GRIN2A: variants seen among roughly 807,000 people sequenced by gnomAD.
The protein encoded by GRIN2A is glutamate ionotropic receptor NMDA type subunit 2A.
Under a neutral mutation model 113.4 loss-of-function variants are expected in GRIN2A, and 22 were observed. That is an observed-to-expected ratio of 0.19 (90% CI 0.14 to 0.28). The LOEUF is 0.28. GRIN2A is among the 10% of genes least tolerant of loss of function. The probability of loss-of-function intolerance (pLI) is 1.00; values close to 1 mark genes in which losing one functional copy is unlikely to be tolerated. For synonymous variants in GRIN2A, 827 were observed against 738.4 expected, an observed-to-expected ratio of 1.12 and a Z score of -1.94; for missense variants, 1,502 against 1,887.0, an observed-to-expected ratio of 0.80 and a Z score of 3.78.
intron 3 of GRIN2A, among the ~76,000 whole-genome samples, chr16:9,922,775 A>G (rs1352898328): frequency 1.4e-5 from 2 of 147,836 alleles, no homozygotes; most frequent in Non-Finnish European, 3.0e-5. Context: ...TTTGTTATTT[A>G]GTGTGCAAAC....
intron 2 of GRIN2A, among the ~76,000 whole-genome samples, chr16:10,146,563 G>A (rs1173886654): frequency 1.3e-5 from 2 of 151,918 alleles, no homozygotes; most frequent in African/African-American, 4.8e-5. Flanking sequence ...CTTAGCCAGT[G>A]AGGGACTAAA....
At chr16:9,829,809 T>A (rs2042455582) in intron 8 of GRIN2A, among the ~76,000 whole-genome samples, 157 bp from the exon 9 acceptor site, 1 of 152,202 alleles carries the variant, frequency 6.6e-6, no homozygotes, top group Non-Finnish European at 1.5e-5. Context: ...CACAATAACT[T>A]ATTTTTTTCT....
intron 2 of GRIN2A, among the ~76,000 whole-genome samples, chr16:9,977,007 AT>A (rs2045787184): frequency 1.3e-5 from 2 of 152,210 alleles, no homozygotes; most frequent in South Asian, 4.1e-4. Context: ...TTTGGTTCTG[AT>A]TCCGACAACA....
chr16:9,837,611 C>G (rs760497102), intron 7 of GRIN2A, among the ~76,000 whole-genome samples: 6 of 152,176 alleles, frequency 3.9e-5, no homozygotes, highest in Non-Finnish European at 7.4e-5. Flanking sequence ...CTCACTTCCT[C>G]TAACCCTTTC....
chr16:9,898,613 G>C (rs192054866), intron 3 of GRIN2A, among the ~76,000 whole-genome samples: 2 of 152,058 alleles, frequency 1.3e-5, no homozygotes, highest in East Asian at 3.9e-4. Context: ...CATCTACTTT[G>C]CCATTTCTGA....
chr16:9,785,417 C>T (rs1394936149), intron 11 of GRIN2A, among the ~76,000 whole-genome samples: 1 of 123,264 alleles, frequency 8.1e-6, no homozygotes, highest in African/African-American at 3.2e-5. Flanking sequence ...GGAAGGGGAA[C>T]ATCACACTCT....
At chr16:9,827,393 G>A (rs2042406505) in intron 9 of GRIN2A, among the ~76,000 whole-genome samples, 1 of 152,188 alleles carries the variant, frequency 6.6e-6, no homozygotes, top group South Asian at 2.1e-4. Flanking sequence ...TCCAGGAGAA[G>A]TCAGCAGGGG....
At chr16:10,056,107 C>A (rs962970477) in intron 2 of GRIN2A, among the ~76,000 whole-genome samples, 2 of 152,164 alleles carry the variant, frequency 1.3e-5, no homozygotes, top group African/African-American at 4.8e-5. Context: ...GCAGAGAAAA[C>A]CAGGCAACAA....
At chr16:10,030,670 G>T (rs750418738) in intron 2 of GRIN2A, among the ~76,000 whole-genome samples, 1 of 152,140 alleles carries the variant, frequency 6.6e-6, no homozygotes, top group Non-Finnish European at 1.5e-5. Context: ...GAGTTATAAA[G>T]GGGTCTCTCT....
intron 10 of GRIN2A, among the ~76,000 whole-genome samples, chr16:9,821,408 A>G (rs984959607): frequency 4.6e-5 from 7 of 152,160 alleles, no homozygotes; most frequent in Non-Finnish European, 1.0e-4. Context: ...AGAGTTCCAC[A>G]TGCAAGCAGA....
At chr16:9,767,968 A>G (rs2141146252) in intron 12 of GRIN2A, among the ~76,000 whole-genome samples, 1 of 152,362 alleles carries the variant, frequency 6.6e-6, no homozygotes, top group Middle Eastern at 3.4e-3. Flanking sequence ...CAGCATTAGT[A>G]GTGTTATACA....
At chr16:9,783,821 C>T (rs939643522) in intron 11 of GRIN2A, among the ~76,000 whole-genome samples, 3 of 152,046 alleles carry the variant, frequency 2.0e-5, no homozygotes, top group African/African-American at 4.8e-5. Context: ...ATTCTTAAAC[C>T]TTATGGATGG....
intron 2 of GRIN2A, chr16:10,111,896 C>G (rs964266534): frequency 2.3e-6 from 2 of 864,644 alleles, no homozygotes; most frequent in African/African-American, 1.6e-5. Context: ...AAGGACCACA[C>G]CACCCTCCTC....
chr16:10,090,264 G>A (rs1267768440), intron 2 of GRIN2A, among the ~76,000 whole-genome samples: 5 of 152,026 alleles, frequency 3.3e-5, no homozygotes, highest in Admixed American at 1.3e-4. Flanking sequence ...AAACAATGGT[G>A]AAGGACTTAC....
intron 2 of GRIN2A, among the ~76,000 whole-genome samples, chr16:10,034,356 C>G (rs1384906187): frequency 6.6e-6 from 1 of 151,702 alleles, no homozygotes; most frequent in Non-Finnish European, 1.5e-5. Flanking sequence ...GAAACCCTAT[C>G]TCTACTAAAA....
intron 2 of GRIN2A, among the ~76,000 whole-genome samples, chr16:10,106,027 C>A (rs2048494382): frequency 6.6e-6 from 1 of 152,102 alleles, no homozygotes; most frequent in African/African-American, 2.4e-5. Context: ...GTATAGCCTG[C>A]CAGCTATGTT....
intron 2 of GRIN2A, among the ~76,000 whole-genome samples, chr16:10,092,676 A>G (rs1162005034): frequency 6.6e-6 from 1 of 152,178 alleles, no homozygotes; most frequent in African/African-American, 2.4e-5. Context: ...TTTAACAAAT[A>G]AGTAAACTAG....
chr16:10,061,845 G>A (rs1001297354), intron 2 of GRIN2A, among the ~76,000 whole-genome samples: 1 of 152,122 alleles, frequency 6.6e-6, no homozygotes, highest in African/African-American at 2.4e-5. Context: ...TGGCAGAGGG[G>A]ACACCTTCAT....
At chr16:9,829,795 G>T (rs1045728641) in intron 8 of GRIN2A, 143 bp from the exon 9 acceptor site, 1 of 654,330 alleles carries the variant, frequency 1.5e-6, no homozygotes, top group Non-Finnish European at 2.8e-6. Flanking sequence ...GATTGCCCTA[G>T]AACCACAATA....
Sources: allele counts gnomAD v4.1 joint callset (sites outside exome capture counted in the v4.1 genomes callset), GRCh38; gene constraint gnomAD v4.1.1; transcripts MANE v1.5; gene names NCBI Gene and HGNC (gene_info 2026-07-23, HGNC 2026-07-21).